TOP1: variants seen among roughly 807,000 people sequenced by gnomAD.
The protein encoded by TOP1 is DNA topoisomerase 1.
A neutral mutation model predicts 111.1 loss-of-function variants in TOP1; 10 were observed. The observed-to-expected ratio is 0.09, with a 90% CI of 0.06 to 0.15. The LOEUF (loss-of-function observed/expected upper bound fraction) is 0.15, where lower values mean the gene tolerates loss of function less well. Ranked by LOEUF, TOP1 falls within the 10% of genes least tolerant of loss-of-function variation. The probability of loss-of-function intolerance (pLI) is 1.00; values close to 1 mark genes in which losing one functional copy is unlikely to be tolerated. For missense variants in TOP1, 474 were observed against 926.7 expected, an observed-to-expected ratio of 0.51 and a Z score of 6.34; for synonymous variants, 271 against 302.9, an observed-to-expected ratio of 0.89 and a Z score of 1.10.
Position 41,104,587 on chromosome 20 carries a change from C to T in TOP1, c.1308+3234C>T, listed in dbSNP as rs528827952. Reference sequence around the variant, plus strand: ...AGACAATATCCAGCTAACTGCTATACACAATAGACATTTGTGCAAGTTTCT... The same window carrying T: ...AGACAATATCCAGCTAACTGCTATATACAATAGACATTTGTGCAAGTTTCT... On this transcript the variant is annotated intron_variant, in intron 13 of 20. Transcript: ENST00000361337. Among the ~76,000 whole-genome samples the T allele has an allele frequency of 5.9e-5, 9 of 152,330 alleles. No individual in the cohort carries two copies. In the South Asian group the frequency reaches 1.7e-3, roughly 28 times the overall value.
At position 41,046,957 on chromosome 20, in the gene TOP1, CAAGTT is replaced by C. The variant is rs1660172838; in HGVS notation, c.59-14436_59-14432del. ...AGGTAGATTTTAACCACTTTCAAGT[CAAGTT>C]GATTGGCCATTCATGAGCTGTGTGC... On this transcript the variant is annotated intron_variant, in intron 2 of 20. Coordinates refer to ENST00000361337, the MANE Select transcript of TOP1 (RefSeq NM_003286.4). This position sits in a 1 kb window ranked among gnomAD's most constrained non-coding sequence, Gnocchi z 4.3. Among the ~76,000 whole-genome samples the C allele has an allele frequency of 6.6e-6, 1 of 152,170 alleles. No homozygotes were observed. Among genetic ancestry groups the C allele is most frequent in the Admixed American group, 6.5e-5 (1 of 15,274 alleles).
In TOP1 at chr20:41,080,942, G is replaced by A. The variant is rs376815911; in HGVS notation, c.432-223G>A. 2.0e-5 allele frequency among the ~76,000 whole-genome samples: 3 copies of A among 152,062 alleles called. No individual in the cohort carries two copies. The highest frequency in any genetic ancestry group is 2.1e-4 in the South Asian group (1 of 4,806). On this transcript the variant is annotated intron_variant, in intron 6 of 20. Coordinates refer to ENST00000361337, the MANE Select transcript of TOP1 (RefSeq NM_003286.4). The surrounding 1 kb of genome is among the most constrained non-coding windows in gnomAD (Gnocchi z 5.0). ...CCCACCCTATTTTGCTTCCAGGCCGGTGTAAGTGGTTTGTTTTGTTCTATA... is the reference window on the plus strand; with the variant it reads ...CCCACCCTATTTTGCTTCCAGGCCGATGTAAGTGGTTTGTTTTGTTCTATA...
chr20:41,113,861 G>A (rs1375308587), intron 14 of TOP1, 109 bp from the exon 15 acceptor site: 3 of 899,460 alleles, frequency 3.3e-6, no homozygotes, highest in South Asian at 1.9e-5. Context: ...CTAGCCTGGC[G>A]ACAGAGCGAG....
chr20:41,113,911 A>G, intron 14 of TOP1, 59 bp from the exon 15 acceptor site: 1 of 1,331,698 alleles, frequency 7.5e-7, no homozygotes, highest in Admixed American at 2.2e-5. Flanking sequence ...ACAGAACGAA[A>G]TTGTGTAAGG....
intron 2 of TOP1, among the ~76,000 whole-genome samples, chr20:41,043,354 G>A (rs759529692): frequency 5.9e-5 from 9 of 152,162 alleles, no homozygotes; most frequent in Non-Finnish European, 8.8e-5. Flanking sequence ...CATTACTTGT[G>A]CTTTCTTACA....
In TOP1 at chr20:41,098,379, G is replaced by T. The variant is rs774538401; in HGVS notation, c.975+42G>T. 1.9e-6 allele frequency: 3 copies of T among 1,594,870 alleles called. No homozygotes were observed. In the African/African-American group the frequency reaches 4.1e-5, roughly 22 times the overall value. On this transcript the variant is annotated intron_variant, in intron 11 of 20. Coordinates refer to ENST00000361337, the MANE Select transcript of TOP1 (RefSeq NM_003286.4). This position sits in a 1 kb window ranked among gnomAD's most constrained non-coding sequence, Gnocchi z 5.7. Reference sequence around the variant, plus strand: ...TAAACCTCTGGAGAATTCTGGAATTGTGATTGGTTCATTTAACTTTCTTCT... The same window carrying T: ...TAAACCTCTGGAGAATTCTGGAATTTTGATTGGTTCATTTAACTTTCTTCT...
chr20:41,032,487 G>A lies in TOP1; in HGVS notation c.58+3032G>A, dbSNP rs565392658. Among the ~76,000 whole-genome samples, 2 of 152,300 alleles carry A rather than the reference G, an allele frequency of 1.3e-5. No homozygotes were observed. The highest frequency in any genetic ancestry group is 4.8e-5 in the African/African-American group (2 of 41,556). On this transcript the variant is annotated intron_variant, in intron 2 of 20. Transcript: ENST00000361337. This position sits in a 1 kb window ranked among gnomAD's most constrained non-coding sequence, Gnocchi z 4.3. Reference sequence around the variant, plus strand: ...TCATTATTACAGTACTGTACAGGCTGCGTAGCTATCTGTAGAATTGATAAT... The same window carrying A: ...TCATTATTACAGTACTGTACAGGCTACGTAGCTATCTGTAGAATTGATAAT...
chr20:41,036,997 AT>A (rs2033196624), intron 2 of TOP1, among the ~76,000 whole-genome samples: 1 of 151,748 alleles, frequency 6.6e-6, no homozygotes, highest in African/African-American at 2.4e-5. Flanking sequence ...CGCCTGGCTA[AT>A]TTTTTGTATT....
intron 8 of TOP1, among the ~76,000 whole-genome samples, chr20:41,085,556 C>T (rs3764706): frequency 0.17 from 25,985 of 152,236 alleles, 3,359 homozygotes; most frequent in East Asian, 0.7. Context: ...ACCAGCAGTA[C>T]ATGATTTTGT....
rs1053075961 is a variant in TOP1 at position 41,112,691 on chromosome 20, T to C, written c.1309-91T>C. On this transcript the variant is annotated intron_variant, in intron 13 of 20. Transcript: ENST00000361337. The surrounding 1 kb of genome is among the most constrained non-coding windows in gnomAD (Gnocchi z 5.8). ...CCTCCCTATTAGCTAGCTGGGATTA[T>C]AGGCTTGCGCCACCTTGCCTGGCTA... is the stretch of plus-strand genomic sequence containing the variant. 6.4e-6 allele frequency: 9 copies of C among 1,415,148 alleles called. No individual in the cohort carries two copies. The highest frequency in any genetic ancestry group is 1.8e-4 in the Middle Eastern group (1 of 5,512). The allele number at this position is 1,415,148 out of a possible 1,614,324, so 87.7% of individuals were successfully genotyped here.
At position 41,032,276 on chromosome 20, in the gene TOP1, A is replaced by C. The variant is rs1280386648; in HGVS notation, c.58+2821A>C. On this transcript the variant is annotated intron_variant, in intron 2 of 20. Transcript: ENST00000361337. The surrounding 1 kb of genome is among the most constrained non-coding windows in gnomAD (Gnocchi z 4.3). The stretch of plus-strand genomic sequence containing the variant: ...CCCACTTTGGAGCTCATTCTTCGCA[A>C]TATTTAAAATTGTAGCTCTTTGCAT... 1.3e-5 allele frequency among the ~76,000 whole-genome samples: 2 copies of C among 152,102 alleles called. No individual in the cohort carries two copies. The highest frequency in any genetic ancestry group is 2.9e-5 in the Non-Finnish European group (2 of 68,028).
At position 41,069,064 on chromosome 20, in the gene TOP1, A is replaced by G. The variant is rs76954223; in HGVS notation, c.156-7107A>G. On this transcript the variant is annotated intron_variant, in intron 3 of 20. Transcript: ENST00000361337. This position sits in a 1 kb window ranked among gnomAD's most constrained non-coding sequence, Gnocchi z 4.1. ...CTTTTCCAGCCATATTGGCAGTGCTATTCTGTACTGTCAGTGTGAGAAACA... is the reference window on the plus strand; with the variant it reads ...CTTTTCCAGCCATATTGGCAGTGCTGTTCTGTACTGTCAGTGTGAGAAACA... Among the ~76,000 whole-genome samples the G allele has an allele frequency of 3.6e-3, 548 of 152,336 alleles. 5 individuals are homozygous for G. The highest frequency in any genetic ancestry group is 0.013 in the African/African-American group (523 of 41,574).
At chr20:41,041,542 C>T (rs1190777434) in intron 2 of TOP1, among the ~76,000 whole-genome samples, 2 of 152,006 alleles carry the variant, frequency 1.3e-5, no homozygotes, top group Non-Finnish European at 2.9e-5. Context: ...CTCCTTTCTC[C>T]CCCCAGCTGG....
Position 41,110,896 on chromosome 20 carries a change from G to T in TOP1, c.1309-1886G>T, listed in dbSNP as rs539123706. Among the ~76,000 whole-genome samples the T allele has an allele frequency of 6.6e-6, 1 of 152,276 alleles. No individual in the cohort carries two copies. Among genetic ancestry groups the T allele is most frequent in the African/African-American group, 2.4e-5 (1 of 41,558 alleles). Reference sequence around the variant, plus strand: ...ACTTCTTGGAGGCCAGCCATCTCCTGCTGGATCTAAGCGGGGTGGCTTCTG... The same window carrying T: ...ACTTCTTGGAGGCCAGCCATCTCCTTCTGGATCTAAGCGGGGTGGCTTCTG... On this transcript the variant is annotated intron_variant, in intron 13 of 20. Coordinates refer to ENST00000361337, the MANE Select transcript of TOP1 (RefSeq NM_003286.4). The surrounding 1 kb of genome is among the most constrained non-coding windows in gnomAD (Gnocchi z 4.2).
At chr20:41,064,883 C>T (rs371785415) in intron 3 of TOP1, among the ~76,000 whole-genome samples, 3 of 151,408 alleles carry the variant, frequency 2.0e-5, no homozygotes, top group Admixed American at 6.6e-5. Flanking sequence ...TGGGGTGGGG[C>T]GGGGGGCTGG....
chr20:41,058,247 C>T lies in TOP1; in HGVS notation c.59-3147C>T, dbSNP rs560239903. On this transcript the variant is annotated intron_variant, in intron 2 of 20. Transcript: ENST00000361337. The surrounding 1 kb of genome is among the most constrained non-coding windows in gnomAD (Gnocchi z 4.2). The stretch of plus-strand genomic sequence containing the variant: ...CCAGTCATGGGATGAAGACACATTG[C>T]CTATGCATTATTAATTGATTGCTAT... 6.6e-6 allele frequency among the ~76,000 whole-genome samples: 1 copy of T among 152,198 alleles called. No individual in the cohort carries two copies. Among genetic ancestry groups the T allele is most frequent in the Non-Finnish European group, 1.5e-5 (1 of 68,034 alleles).
rs2033646644 is a variant in TOP1, at chr20:41,069,577, G to GT, written c.156-6591dup. ...AGTACCTGCTTTATCAATCTTTCAA[G>GT]TTTGTTTATGCACATGACAGCTCTT... On this transcript the variant is annotated intron_variant, in intron 3 of 20. Coordinates refer to ENST00000361337, the MANE Select transcript of TOP1 (RefSeq NM_003286.4). The surrounding 1 kb of genome is among the most constrained non-coding windows in gnomAD (Gnocchi z 4.1). Among the ~76,000 whole-genome samples the GT allele has an allele frequency of 1.3e-5, 2 of 152,158 alleles. No homozygotes were observed. The highest frequency in any genetic ancestry group is 4.1e-4 in the South Asian group (2 of 4,832).
chr20:41,120,376 C>T (rs1304523895), intron 18 of TOP1, among the ~76,000 whole-genome samples: 2 of 152,206 alleles, frequency 1.3e-5, no homozygotes, highest in Non-Finnish European at 1.5e-5. Context: ...TAACAACAAA[C>T]AATTCCAGGT....
At chr20:41,103,086 T>C (rs1422783864) in intron 13 of TOP1, among the ~76,000 whole-genome samples, 2 of 152,206 alleles carry the variant, frequency 1.3e-5, no homozygotes, top group Admixed American at 1.3e-4. Flanking sequence ...TGCACAACAT[T>C]GTGGATATAC....
Sources: gnomAD v4.1 joint callset for allele counts (sites outside exome capture counted in the v4.1 genomes callset) on GRCh38, gnomAD v4.1.1 for gene constraint, Gnocchi (gnomAD v3.1) non-coding constraint, MANE v1.5 for transcripts, NCBI Gene and HGNC (gene_info 2026-07-23, HGNC 2026-07-21) for gene names.